The following GKAP1 variants were observed in gnomAD, a reference collection of about 807,000 sequenced individuals.
GKAP1 encodes the protein G kinase-anchoring protein 1.
In GKAP1, 31 loss-of-function variants were observed where a neutral mutation model predicts 56.7. The observed-to-expected ratio is 0.55, with a 90% confidence interval of 0.41 to 0.74. The LOEUF (loss-of-function observed/expected upper bound fraction) is 0.74, where lower values mean the gene tolerates loss of function less well. GKAP1 is among the 30% of genes least tolerant of loss of function. GKAP1 has a pLI of 0.00. For synonymous variants in GKAP1, 151 were observed against 138.6 expected (o/e 1.09, Z -0.63); for missense variants, 364 against 402.3 (o/e 0.90, Z 0.82).
At chr9:83,751,767 A>T (rs2131239401) in intron 9 of GKAP1, among the ~76,000 whole-genome samples, 1 of 152,220 alleles carries the variant, frequency 6.6e-6, no homozygotes, top group East Asian at 1.9e-4. Flanking sequence ...AGATTAAAAA[A>T]AAAAAAACCT....
chr9:83,796,171 A>G (rs1944243757), intron 4 of GKAP1, among the ~76,000 whole-genome samples: 1 of 151,988 alleles, frequency 6.6e-6, no homozygotes, highest in Non-Finnish European at 1.5e-5. Context: ...GCCTCAAGCA[A>G]TATTCCTGCC....
rs76816917 is a variant in GKAP1, at chr9:83,772,938, G to A, written c.586-3968C>T. 9.8e-3 allele frequency among the ~76,000 whole-genome samples: 1,498 copies of A among 152,236 alleles called. 23 individuals carry two copies. Among genetic ancestry groups the A allele is most frequent in the African/African-American group, 0.035 (1,449 of 41,532 alleles). On this transcript the variant is annotated intron_variant, in intron 7 of 12. Coordinates refer to ENST00000376371, the MANE Select transcript of GKAP1 (RefSeq NM_025211.4). The stretch of plus-strand genomic sequence containing the variant: ...AAACAAGAGATAATATCAAGCGTTG[G>A]CAAGGATGCGTAGGAGCTAGAACTC...
chr9:83,741,596 G>C (rs967793631), intron 12 of GKAP1, among the ~76,000 whole-genome samples: 6 of 151,984 alleles, frequency 3.9e-5, no homozygotes, highest in Non-Finnish European at 8.8e-5. Flanking sequence ...TTATAAAAGG[G>C]AAAATATATA....
At chr9:83,813,213 A>G (rs1944536122) in intron 2 of GKAP1, among the ~76,000 whole-genome samples, 3 of 152,218 alleles carry the variant, frequency 2.0e-5, no homozygotes, top group South Asian at 4.1e-4. Flanking sequence ...CTTGGTCTTT[A>G]AAATTTAGAT....
rs539765537 is a variant in GKAP1 at position 83,777,117 on chromosome 9, C to T, written c.585+3265G>A. ...AAAGCAGGCAGGCTATTTCTCCTAT[C>T]CCTCTGTCCAATATCTCCCCCACTG... is the stretch of plus-strand genomic sequence containing the variant. On this transcript the variant is annotated intron_variant, in intron 7 of 12. Transcript: ENST00000376371. Among the ~76,000 whole-genome samples, 16 of 152,300 alleles carry T rather than the reference C, an allele frequency of 1.1e-4. No homozygotes were observed. The South Asian group carries it at 3.3e-3, about 32-fold the overall frequency.
intron 6 of GKAP1, among the ~76,000 whole-genome samples, chr9:83,783,486 C>T (rs1439948371): frequency 6.6e-6 from 1 of 152,194 alleles, no homozygotes; most frequent in East Asian, 1.9e-4. Context: ...ACAGCACAGG[C>T]TAAGTATTTT....
chr9:83,810,209 T>C (rs563380966), intron 2 of GKAP1, among the ~76,000 whole-genome samples: 150 of 152,368 alleles, frequency 9.8e-4, no homozygotes, highest in Middle Eastern at 3.4e-3. Context: ...TTGTAAATTA[T>C]TGAATGCTTA....
chr9:83,801,041 T>C (rs1426782949), intron 3 of GKAP1, among the ~76,000 whole-genome samples: 1 of 152,240 alleles, frequency 6.6e-6, no homozygotes, highest in African/African-American at 2.4e-5. Flanking sequence ...TGTCCCTGAA[T>C]GTGACCTTAT....
At position 83,806,495 on chromosome 9, in the gene GKAP1, G is replaced by T; in HGVS notation, c.23C>A (p.Ser8Tyr). The T allele has an allele frequency of 6.2e-7, 1 of 1,613,998 alleles. No homozygotes were observed. Among genetic ancestry groups the T allele is most frequent in the Admixed American group, 1.7e-5 (1 of 60,008 alleles). ...AAAACGAGAAGCGGTGGTGGGAACA[G>T]AACTAAGTACTGCTGAGGCCATCGT... MASAVLS[S>Y]VPTTASRFAL... Residue 8 changes from serine (S) to tyrosine (Y), a missense_variant, in exon 3 of 13, where the codon TCT becomes TAT. Physicochemically the swap from Ser to Tyr is moderately radical, Grantham distance 144. Coordinates refer to ENST00000376371, the MANE Select transcript of GKAP1 (RefSeq NM_025211.4).
chr9:83,775,061 T>C (rs1273083954), intron 7 of GKAP1, among the ~76,000 whole-genome samples: 1 of 150,502 alleles, frequency 6.6e-6, no homozygotes, highest in Non-Finnish European at 1.5e-5. Context: ...CATGCTAGAG[T>C]GCGGTGGTGC....
intron 8 of GKAP1, among the ~76,000 whole-genome samples, chr9:83,763,420 A>G (rs547835935): frequency 1.3e-5 from 2 of 152,368 alleles, no homozygotes; most frequent in East Asian, 3.9e-4. Flanking sequence ...TACATTTAAA[A>G]ATAACTAAAA....
chr9:83,755,002 G>T (rs1419833949), intron 8 of GKAP1, among the ~76,000 whole-genome samples: 1 of 152,184 alleles, frequency 6.6e-6, no homozygotes, highest in Non-Finnish European at 1.5e-5. Flanking sequence ...AAATAATTTG[G>T]AGGTAGCATT....
intron 3 of GKAP1, among the ~76,000 whole-genome samples, chr9:83,803,330 C>T (rs1944365258): frequency 6.6e-6 from 1 of 151,922 alleles, no homozygotes; most frequent in African/African-American, 2.4e-5. Flanking sequence ...CTGCTGCCAT[C>T]TCGGCTCACT....
At chr9:83,744,433 C>A (rs1212015313) in intron 10 of GKAP1, among the ~76,000 whole-genome samples, 1 of 152,204 alleles carries the variant, frequency 6.6e-6, no homozygotes, top group Non-Finnish European at 1.5e-5. Flanking sequence ...TGACAACTTT[C>A]CATCCTTCCA....
At chr9:83,796,155 C>G (rs1208098614) in intron 4 of GKAP1, among the ~76,000 whole-genome samples, 1 of 151,900 alleles carries the variant, frequency 6.6e-6, no homozygotes, top group Non-Finnish European at 1.5e-5. Flanking sequence ...CAGTCTCAAA[C>G]TCCTGGCCTC....
intron 3 of GKAP1, among the ~76,000 whole-genome samples, chr9:83,805,366 A>G (rs562363922): frequency 1.4e-4 from 21 of 152,152 alleles, no homozygotes; most frequent in Middle Eastern, 3.4e-3. Context: ...GAAAACCAGA[A>G]ACCTTTGTTC....
intron 2 of GKAP1, among the ~76,000 whole-genome samples, chr9:83,809,582 G>A (rs1944480926): frequency 6.6e-6 from 1 of 152,232 alleles, no homozygotes; most frequent in Non-Finnish European, 1.5e-5. Context: ...GAATGGGGGA[G>A]CCCAAAATCT....
rs893143520 is a variant in GKAP1 at position 83,767,512 on chromosome 9, C to A, written c.738+1306G>T. ...TAGCTGGGACTACAGGCGCCCTCCA[C>A]AACGCTCAGTTATTTTTGTTTTTAT... is the stretch of plus-strand genomic sequence containing the variant. On this transcript the variant is annotated intron_variant, in intron 8 of 12. Transcript: ENST00000376371. 5.9e-5 allele frequency among the ~76,000 whole-genome samples: 9 copies of A among 152,068 alleles called. No individual in the cohort carries two copies. In the South Asian group the frequency reaches 1.7e-3, roughly 28 times the overall value.
At chr9:83,794,323 G>T (rs1035354992) in intron 4 of GKAP1, among the ~76,000 whole-genome samples, 6 of 152,152 alleles carry the variant, frequency 3.9e-5, no homozygotes, top group Admixed American at 1.3e-4. Context: ...CAGCATAAAA[G>T]TGATTAATTT....
Sources: gnomAD v4.1 joint callset for allele counts (sites outside exome capture counted in the v4.1 genomes callset) on GRCh38, gnomAD v4.1.1 for gene constraint, MANE v1.5 for transcripts, NCBI Gene and HGNC (gene_info 2026-07-23, HGNC 2026-07-21) for gene names.